Variants in SLC25A21 observed in about 807,000 individuals in gnomAD.
SLC25A21 encodes the protein mitochondrial 2-oxodicarboxylate carrier.
Under a neutral mutation model 43.8 loss-of-function variants are expected in SLC25A21, and 47 were observed. The observed-to-expected ratio is 1.07, with a 90% CI of 0.85 to 1.37. SLC25A21 has a LOEUF of 1.37. SLC25A21 is among the 40% of genes most tolerant of loss of function. The probability of loss-of-function intolerance (pLI) is 0.00; values close to 1 mark genes in which losing one functional copy is unlikely to be tolerated. For synonymous variants in SLC25A21, 131 were observed against 121.3 expected, an observed-to-expected ratio of 1.08 and a Z score of -0.52; for missense variants, 352 against 350.2, an observed-to-expected ratio of 1.00 and a Z score of -0.04.
chr14:37,114,903 T>G (rs1428420837), intron 1 of SLC25A21, among the ~76,000 whole-genome samples: 1 of 152,092 alleles, frequency 6.6e-6, no homozygotes, highest in African/African-American at 2.4e-5. Context: ...CTGAAAAAAT[T>G]CAGGTAAAAT....
chr14:36,680,841 C>T, intron 9 of SLC25A21, 122 bp from the exon 10 acceptor site: 1 of 734,608 alleles, frequency 1.4e-6, no homozygotes. Flanking sequence ...TCGGAATCAA[C>T]AGTTCTGGAG....
At chr14:36,694,919 C>A (rs940045413) in intron 7 of SLC25A21, among the ~76,000 whole-genome samples, 25 of 152,126 alleles carry the variant, frequency 1.6e-4, no homozygotes, top group Admixed American at 1.6e-3. Context: ...TTAATTAGAT[C>A]CCATTTGTCA....
At chr14:36,849,029 G>A (rs1889636550) in intron 2 of SLC25A21, among the ~76,000 whole-genome samples, 1 of 152,192 alleles carries the variant, frequency 6.6e-6, no homozygotes, top group African/African-American at 2.4e-5. Context: ...CAACTAAGGA[G>A]TACAGGGGAT....
intron 1 of SLC25A21, among the ~76,000 whole-genome samples, chr14:37,150,543 G>A (rs79014746): frequency 7.6e-4 from 115 of 152,198 alleles, no homozygotes; most frequent in African/African-American, 2.4e-3. Flanking sequence ...TATGATCTAT[G>A]CAAGGCAAAG....
At chr14:36,873,144 C>T (rs1890421698) in intron 2 of SLC25A21, among the ~76,000 whole-genome samples, 2 of 152,232 alleles carry the variant, frequency 1.3e-5, no homozygotes, top group African/African-American at 4.8e-5. Flanking sequence ...AATAATCTGG[C>T]TTCTCAAAGA....
intron 3 of SLC25A21, among the ~76,000 whole-genome samples, chr14:36,774,065 T>C (rs1016258044): frequency 2.0e-5 from 3 of 152,208 alleles, no homozygotes; most frequent in Admixed American, 6.5e-5. Context: ...CCTTCCTCTA[T>C]GGAGGGAACT....
chr14:36,709,529 G>A (rs1883737503), intron 7 of SLC25A21, among the ~76,000 whole-genome samples: 1 of 152,130 alleles, frequency 6.6e-6, no homozygotes. Flanking sequence ...TCAGTCACTA[G>A]GGGGGTCTAT....
chr14:37,163,554 A>C (rs1963984413), intron 1 of SLC25A21, among the ~76,000 whole-genome samples: 1 of 152,320 alleles, frequency 6.6e-6, no homozygotes, highest in Middle Eastern at 3.4e-3. Flanking sequence ...TAACAATATG[A>C]GAATGAAAAC....
At chr14:37,008,410 T>A (rs1960656499) in intron 1 of SLC25A21, among the ~76,000 whole-genome samples, 1 of 152,146 alleles carries the variant, frequency 6.6e-6, no homozygotes, top group African/African-American at 2.4e-5. Context: ...CATGGCTCTG[T>A]CCCTACAGAA....
chr14:36,950,114 C>T (rs1457816769), intron 1 of SLC25A21, among the ~76,000 whole-genome samples: 1 of 152,134 alleles, frequency 6.6e-6, no homozygotes, highest in Non-Finnish European at 1.5e-5. Flanking sequence ...TTCCATAGAA[C>T]ATATTTTGGG....
At chr14:37,059,479 G>A (rs564404455) in intron 1 of SLC25A21, among the ~76,000 whole-genome samples, 28 of 152,026 alleles carry the variant, frequency 1.8e-4, no homozygotes, top group Admixed American at 1.2e-3. Flanking sequence ...TCTCCCCTTC[G>A]TCTGAGACAA....
intron 2 of SLC25A21, among the ~76,000 whole-genome samples, chr14:36,866,906 T>C (rs147800402): frequency 5.6e-4 from 86 of 152,348 alleles, no homozygotes; most frequent in African/African-American, 2.0e-3. Context: ...TTTGAACCTA[T>C]GAGGCTAAAT....
intron 1 of SLC25A21, among the ~76,000 whole-genome samples, chr14:37,098,738 TAGATAGATAGACAGAC>T (rs1282943816): frequency 0.027 from 223 of 8,168 alleles, 1 homozygote; most frequent in South Asian, 0.067. Context: ...GATAGATAGA[TAGATAGATAGACAGAC>T]AGACAGACAG....
intron 1 of SLC25A21, among the ~76,000 whole-genome samples, chr14:37,044,379 G>A (rs1961543281): frequency 6.6e-6 from 1 of 152,012 alleles, no homozygotes; most frequent in African/African-American, 2.4e-5. Context: ...TTATTTAAAT[G>A]CAAACATAAG....
intron 3 of SLC25A21, among the ~76,000 whole-genome samples, chr14:36,799,047 C>A (rs1379935600): frequency 6.6e-6 from 1 of 152,118 alleles, no homozygotes; most frequent in Admixed American, 6.6e-5. Flanking sequence ...TATTGGGAAT[C>A]TTCAGGTCTG....
intron 1 of SLC25A21, among the ~76,000 whole-genome samples, chr14:36,997,859 G>C (rs1299714938): frequency 6.6e-6 from 1 of 151,732 alleles, no homozygotes; most frequent in Non-Finnish European, 1.5e-5. Flanking sequence ...AACTTTCAGA[G>C]AGTGCTTTCA....
At chr14:36,887,154 T>C in intron 1 of SLC25A21, among the ~76,000 whole-genome samples, 1 of 152,046 alleles carries the variant, frequency 6.6e-6, no homozygotes, top group Middle Eastern at 3.4e-3. Context: ...TTCATATATA[T>C]TACATATAAA....
At chr14:37,157,387 A>G (rs1963869756) in intron 1 of SLC25A21, among the ~76,000 whole-genome samples, 1 of 152,124 alleles carries the variant, frequency 6.6e-6, no homozygotes, top group Non-Finnish European at 1.5e-5. Context: ...AATCATATCA[A>G]GTATCTTCTC....
At chr14:36,966,339 A>C (rs1469696387) in intron 1 of SLC25A21, among the ~76,000 whole-genome samples, 1 of 152,216 alleles carries the variant, frequency 6.6e-6, no homozygotes, top group Non-Finnish European at 1.5e-5. Flanking sequence ...CAGATGGTCC[A>C]TAGAGAAAGG....
Sources: gnomAD v4.1 joint callset for allele counts (sites outside exome capture counted in the v4.1 genomes callset) on GRCh38, gnomAD v4.1.1 for gene constraint, MANE v1.5 for transcripts, NCBI Gene and HGNC (gene_info 2026-07-23, HGNC 2026-07-21) for gene names.